PILRA: variants seen among roughly 807,000 people sequenced by gnomAD.
PILRA encodes paired immunoglobin like type 2 receptor alpha.
Under a neutral mutation model 33.1 loss-of-function variants are expected in PILRA, and 37 were observed. The observed-to-expected ratio is 1.12, with a 90% CI of 0.86 to 1.47. PILRA has a LOEUF of 1.47. PILRA is among the 40% of genes most tolerant of loss of function. PILRA has a pLI of 0.00. For synonymous variants in PILRA, 146 were observed against 149.9 expected, an observed-to-expected ratio of 0.97 and a Z score of 0.19; for missense variants, 312 against 376.2, an observed-to-expected ratio of 0.83 and a Z score of 1.41.
At chr7:100,374,524 C>A in intron 2 of PILRA, 91 bp downstream of exon 2, 1 of 1,476,580 alleles carries the variant, frequency 6.8e-7, no homozygotes, top group Non-Finnish European at 9.4e-7. Flanking sequence ...TCAGACCCCA[C>A]TTCTTCTGAC....
chr7:100,381,833 G>A (rs1272907263), intron 2 of PILRA, among the ~76,000 whole-genome samples: 3 of 152,204 alleles, frequency 2.0e-5, no homozygotes, highest in Non-Finnish European at 2.9e-5. Context: ...GTGGCCGGCC[G>A]GCCCCGGGCA....
intron 2 of PILRA, chr7:100,374,744 C>G (rs1049463469): frequency 2.3e-6 from 1 of 428,014 alleles, no homozygotes; most frequent in Non-Finnish European, 4.4e-6. Flanking sequence ...AAATGAGGCT[C>G]CAGCCTGGCC....
At chr7:100,388,040 G>C (rs1791291825) in intron 2 of PILRA, among the ~76,000 whole-genome samples, 1 of 152,082 alleles carries the variant, frequency 6.6e-6, no homozygotes, top group Non-Finnish European at 1.5e-5. Context: ...TTCATACAAT[G>C]AATTTAGCTT....
intron 2 of PILRA, among the ~76,000 whole-genome samples, chr7:100,388,836 T>G (rs1791314887): frequency 6.9e-6 from 1 of 145,408 alleles, no homozygotes; most frequent in African/African-American, 2.5e-5. Flanking sequence ...TTAGTCAAAC[T>G]CATGGAGACA....
intron 3 of PILRA, among the ~76,000 whole-genome samples, chr7:100,393,316 A>ATT (rs567703204): frequency 1.3e-5 from 2 of 150,062 alleles, no homozygotes; most frequent in Non-Finnish European, 3.0e-5. Context: ...ACCACTTATG[A>ATT]TTTTTTTTTT....
At chr7:100,391,162 TAAC>T (rs1331620610) in intron 3 of PILRA, among the ~76,000 whole-genome samples, 7 of 139,010 alleles carry the variant, frequency 5.0e-5, no homozygotes, top group Non-Finnish European at 9.3e-5. Flanking sequence ...AAAATAATAA[TAAC>T]AATAATAATA....
At chr7:100,390,972 G>A (rs1211222544) in intron 3 of PILRA, among the ~76,000 whole-genome samples, 1 of 151,834 alleles carries the variant, frequency 6.6e-6, no homozygotes, top group Non-Finnish European at 1.5e-5. Flanking sequence ...GCAGGGGTGA[G>A]GTGGAAAGAG....
chr7:100,390,248 T>A, intron 3 of PILRA, 142 bp downstream of exon 3: 1 of 691,386 alleles, frequency 1.4e-6, no homozygotes, highest in Non-Finnish European at 2.5e-6. Flanking sequence ...TGGCCTATGC[T>A]GAGGTGTCTG....
intron 2 of PILRA, among the ~76,000 whole-genome samples, chr7:100,383,078 G>C (rs1021676591): frequency 6.6e-6 from 1 of 152,148 alleles, no homozygotes; most frequent in Non-Finnish European, 1.5e-5. Context: ...GATTGCTAAG[G>C]GTGGCCCTGT....
chr7:100,385,075 C>T (rs1350832620), intron 2 of PILRA, among the ~76,000 whole-genome samples: 3 of 152,116 alleles, frequency 2.0e-5, no homozygotes, highest in Non-Finnish European at 4.4e-5. Flanking sequence ...CTAAATTCTC[C>T]ATGTCAATAG....
chr7:100,389,348 T>A (rs557482665), intron 2 of PILRA, among the ~76,000 whole-genome samples: 1 of 152,316 alleles, frequency 6.6e-6, no homozygotes, highest in East Asian at 1.9e-4. Flanking sequence ...TGCACAGCAC[T>A]GTGAATGTGC....
chr7:100,382,622 G>A (rs1180872276), intron 2 of PILRA, among the ~76,000 whole-genome samples: 1 of 152,210 alleles, frequency 6.6e-6, no homozygotes, highest in African/African-American at 2.4e-5. Flanking sequence ...GCAGGATGTG[G>A]GTGGTGCCAG....
At chr7:100,374,734 A>G (rs900965977) in intron 2 of PILRA, 1 of 440,956 alleles carries the variant, frequency 2.3e-6, no homozygotes, top group East Asian at 4.7e-5. Flanking sequence ...TCTTTCTCCA[A>G]AATGAGGCTC....
intron 2 of PILRA, among the ~76,000 whole-genome samples, chr7:100,382,251 C>T (rs1791122545): frequency 6.6e-6 from 1 of 152,182 alleles, no homozygotes; most frequent in South Asian, 2.1e-4. Context: ...ATTGTAAATA[C>T]ACCAATCAGC....
chr7:100,380,163 G>A (rs762026682), intron 2 of PILRA, among the ~76,000 whole-genome samples: 4 of 152,186 alleles, frequency 2.6e-5, no homozygotes, highest in Non-Finnish European at 5.9e-5. Flanking sequence ...CTGGCAAGGC[G>A]ACTGGGGTCT....
At chr7:100,377,033 G>T (rs1453895620) in intron 2 of PILRA, among the ~76,000 whole-genome samples, 3 of 151,846 alleles carry the variant, frequency 2.0e-5, no homozygotes, top group African/African-American at 7.3e-5. Context: ...CAAAGTGCTA[G>T]GATACAGGCA....
intron 2 of PILRA, among the ~76,000 whole-genome samples, chr7:100,383,825 CAG>C (rs1024517608): frequency 1.3e-5 from 2 of 151,956 alleles, no homozygotes; most frequent in African/African-American, 4.8e-5. Flanking sequence ...TTAGTAGAGA[CAG>C]GGTTTCACCA....
chr7:100,398,084 T>C (rs1163392273), intron 4 of PILRA, among the ~76,000 whole-genome samples, 172 bp downstream of exon 4: 1 of 152,172 alleles, frequency 6.6e-6, no homozygotes, highest in Non-Finnish European at 1.5e-5. Flanking sequence ...GGGGCCAGGC[T>C]CTTGACCTTG....
At chr7:100,393,269 G>A (rs1359166523) in intron 3 of PILRA, among the ~76,000 whole-genome samples, 6 of 150,562 alleles carry the variant, frequency 4.0e-5, no homozygotes, top group Non-Finnish European at 5.9e-5. Context: ...GATAGAGCGA[G>A]ACTCTGTCTC....
Sources: allele counts gnomAD v4.1 joint callset (sites outside exome capture counted in the v4.1 genomes callset), GRCh38; gene constraint gnomAD v4.1.1; transcripts MANE v1.5; gene names NCBI Gene and HGNC (gene_info 2026-07-23, HGNC 2026-07-21).